Variants in TENM1 observed in about 807,000 individuals in gnomAD.
The protein encoded by TENM1 is teneurin transmembrane protein 1.
TENM1 carries 35 observed loss-of-function variants against 174.8 expected under a neutral mutation model. That is an observed-to-expected ratio of 0.20 (90% confidence interval 0.15 to 0.27). The LOEUF (loss-of-function observed/expected upper bound fraction) is 0.27, where lower values mean the gene tolerates loss of function less well. Ranked by LOEUF, TENM1 falls within the 10% of genes least tolerant of loss-of-function variation. The pLI is 1.00. For missense variants in TENM1, 1,633 were observed against 2,130.1 expected, an observed-to-expected ratio of 0.77 and a Z score of 4.59; for synonymous variants, 781 against 798.7, an observed-to-expected ratio of 0.98 and a Z score of 0.37.
chrX:124,932,702 G>A (rs1181827128), intron 1 of TENM1, among the ~76,000 whole-genome samples: 1 of 111,430 alleles, frequency 9.0e-6, no homozygotes, highest in East Asian at 2.8e-4. Context: ...AGATGCAAAG[G>A]AAATATGAGA....
the TENM1 span, among the ~76,000 whole-genome samples, chrX:124,975,955 A>T: frequency 0.012 from 1,350 of 111,047 alleles, 20 homozygotes; most frequent in African/African-American, 0.042. Context: ...GTGGGGAAAT[A>T]CCTACTATCA....
the TENM1 span, among the ~76,000 whole-genome samples, chrX:124,996,755 T>A: frequency 4.5e-5 from 5 of 111,001 alleles, no homozygotes; most frequent in Non-Finnish European, 9.5e-5. Flanking sequence ...TCAGTAAGTG[T>A]TTTTTATAAG....
intron 18 of TENM1, among the ~76,000 whole-genome samples, chrX:124,519,084 T>A (rs1416401509): frequency 6.3e-5 from 7 of 111,638 alleles, no homozygotes; most frequent in African/African-American, 2.3e-4. Flanking sequence ...CAGTCTTAAG[T>A]ATGGCTGAGT....
At chrX:124,802,511 G>C (rs1294108432) in intron 3 of TENM1, among the ~76,000 whole-genome samples, 1 of 111,063 alleles carries the variant, frequency 9.0e-6, no homozygotes, top group African/African-American at 3.3e-5. Flanking sequence ...ACCTTGGGGG[G>C]CACCAACTGC....
At chrX:124,472,329 G>A (rs1391189258) in intron 22 of TENM1, among the ~76,000 whole-genome samples, 1 of 31,148 alleles carries the variant, frequency 3.2e-5, no homozygotes, top group Non-Finnish European at 4.9e-5. Flanking sequence ...TATGCTTGAC[G>A]TAAAAAAAAA....
chrX:124,960,109 G>A (rs2058632220), intron 1 of TENM1, among the ~76,000 whole-genome samples: 1 of 111,599 alleles, frequency 9.0e-6, no homozygotes, highest in African/African-American at 3.3e-5. Flanking sequence ...ATGCTTAAAG[G>A]GAATTTTAAA....
chrX:124,932,596 G>C lies in TENM1; in HGVS notation c.217+30941C>G, dbSNP rs186381792. 2.9e-4 allele frequency among the ~76,000 whole-genome samples: 33 copies of C among 112,163 alleles called. No individual in the cohort carries two copies. The East Asian group carries it at 8.8e-3, about 30-fold the overall frequency. On this transcript the variant is annotated intron_variant, in intron 1 of 31. Coordinates refer to ENST00000422452, the Ensembl canonical transcript of TENM1. ...TATGTGGAAGTCAGAAGTTGTGAAG[G>C]AAGACTTTATCAAAGAGGCGAGACT...
intron 4 of TENM1, among the ~76,000 whole-genome samples, chrX:124,726,600 C>T (rs1176624115): frequency 8.9e-6 from 1 of 111,808 alleles, no homozygotes; most frequent in African/African-American, 3.2e-5. Flanking sequence ...TTTTTGCTAA[C>T]CTCCGTGCTG....
intron 3 of TENM1, among the ~76,000 whole-genome samples, chrX:124,857,227 GA>G (rs747132259): frequency 7.7e-4 from 85 of 110,424 alleles, no homozygotes; most frequent in African/African-American, 2.5e-3. Context: ...TATCAGCGGG[GA>G]AAAATAATTT....
At chrX:125,004,314 C>T in the TENM1 span, among the ~76,000 whole-genome samples, 22 of 111,698 alleles carry the variant, frequency 2.0e-4, no homozygotes, top group Non-Finnish European at 3.0e-4. Context: ...CCACAGAACA[C>T]GCTTTGGGAA....
chrX:124,694,387 G>A (rs1476235516), intron 5 of TENM1, among the ~76,000 whole-genome samples: 1 of 111,722 alleles, frequency 9.0e-6, no homozygotes, highest in African/African-American at 3.3e-5. Flanking sequence ...ACAACTCTGA[G>A]TAATTTGGGT....
chrX:125,073,643 G>A, the TENM1 span, among the ~76,000 whole-genome samples: 1 of 111,026 alleles, frequency 9.0e-6, no homozygotes, highest in Non-Finnish European at 1.9e-5. Context: ...TTGTAGGTAT[G>A]TGGGTAAAAA....
At position 124,895,957 on chromosome X, in the gene TENM1, TAAAC is replaced by T; in HGVS notation, c.478+20_478+23del. The T allele has an allele frequency of 1.7e-6, 2 of 1,206,517 alleles. No individual in the cohort carries two copies. The highest frequency in any genetic ancestry group is 1.1e-6 in the Non-Finnish European group (1 of 891,878). On this transcript the variant is annotated intron_variant, in intron 2 of 31. Transcript: ENST00000422452. ...AACTGCATTCTTTCTGTGTTTTACTTAAACAATTCAAGTAGTTTATTACCATTTT... is the reference window on the plus strand; with the variant it reads ...AACTGCATTCTTTCTGTGTTTTACTTAATTCAAGTAGTTTATTACCATTTT...
At chrX:124,930,162 C>T (rs1330799824) in intron 1 of TENM1, among the ~76,000 whole-genome samples, 1 of 110,947 alleles carries the variant, frequency 9.0e-6, no homozygotes, top group Non-Finnish European at 1.9e-5. Flanking sequence ...ATACGGCCCA[C>T]CCACCTCCCT....
At position 124,809,310 on chromosome X, in the gene TENM1, A is replaced by T. The variant is rs139318905; in HGVS notation, c.536-72113T>A. ...TAAGGACATTGATTCTGTAATAAAA[A>T]GTCTCCCATCACAGAAGAACCCAGG... On this transcript the variant is annotated intron_variant, in intron 3 of 31. Transcript: ENST00000422452. Among the ~76,000 whole-genome samples the T allele has an allele frequency of 1.4e-3, 157 of 111,766 alleles. 1 individual carries two copies. The highest frequency in any genetic ancestry group is 4.8e-3 in the African/African-American group (147 of 30,847).
chrX:124,864,197 A>T (rs745824445), intron 3 of TENM1, among the ~76,000 whole-genome samples: 15 of 112,188 alleles, frequency 1.3e-4, no homozygotes, highest in Non-Finnish European at 2.1e-4. Context: ...AACGAAGAAT[A>T]TTGATTAGCA....
At chrX:124,445,854 C>A (rs113146497) in intron 23 of TENM1, among the ~76,000 whole-genome samples, 2 of 111,912 alleles carry the variant, frequency 1.8e-5, no homozygotes, top group African/African-American at 6.5e-5. Flanking sequence ...GTTACCAGAG[C>A]AGGATGATTC....
At chrX:124,444,973 C>A (rs2060950218) in intron 23 of TENM1, among the ~76,000 whole-genome samples, 1 of 111,547 alleles carries the variant, frequency 9.0e-6, no homozygotes, top group African/African-American at 3.3e-5. Context: ...GGTTCAAATT[C>A]CAACTCAGCC....
At chrX:124,674,256 T>C (rs1367588570) in intron 5 of TENM1, among the ~76,000 whole-genome samples, 1 of 103,562 alleles carries the variant, frequency 9.7e-6, no homozygotes, top group Non-Finnish European at 2.0e-5. Flanking sequence ...ACCTCTTGTT[T>C]GTTTTCTCAT....
Sources: allele counts gnomAD v4.1 joint callset (sites outside exome capture counted in the v4.1 genomes callset), GRCh38; gene constraint gnomAD v4.1.1; transcripts MANE v1.5; gene names NCBI Gene and HGNC (gene_info 2026-07-23, HGNC 2026-07-21).